Variants in CERT1 observed in about 807,000 individuals in gnomAD.
The protein encoded by CERT1 is ceramide transporter 1, also known as ceramide transfer protein.
Under a neutral mutation model 87.9 loss-of-function variants are expected in CERT1, and 31 were observed. The ratio of observed to expected loss-of-function variants is 0.35; its 90% CI spans 0.27 to 0.48. CERT1 has a LOEUF of 0.48. Among genes scored for constraint, CERT1 ranks in the 20% least tolerant of loss-of-function variants. The pLI is 0.99. For missense variants in CERT1, 487 were observed against 758.0 expected (o/e 0.64, Z 4.20); for synonymous variants, 289 against 250.9 (o/e 1.15, Z -1.44).
chr5:75,483,101 T>G (rs951276267), intron 2 of CERT1, among the ~76,000 whole-genome samples: 5 of 152,190 alleles, frequency 3.3e-5, no homozygotes, highest in African/African-American at 1.2e-4. Flanking sequence ...GATACGGTAT[T>G]CAAAATAGCT....
intron 4 of CERT1, among the ~76,000 whole-genome samples, chr5:75,425,819 C>G (rs1301201739): frequency 6.6e-6 from 1 of 152,122 alleles, no homozygotes; most frequent in Non-Finnish European, 1.5e-5. Context: ...TCAAATTAAA[C>G]AAAATTGTGT....
intron 3 of CERT1, among the ~76,000 whole-genome samples, chr5:75,456,708 G>C (rs578161854): frequency 6.7e-6 from 1 of 148,454 alleles, no homozygotes; most frequent in African/African-American, 2.5e-5. Flanking sequence ...CTTGTACAAT[G>C]CATCACAACC....
chr5:75,447,682 G>A (rs1580784495), intron 3 of CERT1, among the ~76,000 whole-genome samples: 1 of 151,592 alleles, frequency 6.6e-6, no homozygotes. Flanking sequence ...CACCATGTTC[G>A]CCAGGATGGT....
At chr5:75,478,608 A>G (rs1317011036) in intron 2 of CERT1, among the ~76,000 whole-genome samples, 2 of 152,166 alleles carry the variant, frequency 1.3e-5, no homozygotes, top group Non-Finnish European at 2.9e-5. Context: ...CTTAGACACC[A>G]TCCCTAAAAA....
At chr5:75,382,165 G>T (rs1761615154) in intron 14 of CERT1, 88 bp from the exon 15 acceptor site, 6 of 1,257,440 alleles carry the variant, frequency 4.8e-6, no homozygotes, top group Non-Finnish European at 6.6e-6. Context: ...TTAATTGAAG[G>T]TAAAATCTCT....
chr5:75,438,050 A>G (rs1358999493), intron 3 of CERT1, among the ~76,000 whole-genome samples: 6 of 152,180 alleles, frequency 3.9e-5, no homozygotes, highest in Non-Finnish European at 5.9e-5. Context: ...AATTTATTAC[A>G]CAAAATAGAG....
intron 3 of CERT1, among the ~76,000 whole-genome samples, chr5:75,444,011 T>C (rs1182121940): frequency 6.6e-6 from 1 of 152,228 alleles, no homozygotes; most frequent in Non-Finnish European, 1.5e-5. Flanking sequence ...ATTCTTTCAC[T>C]TTCAATCTGT....
At chr5:75,485,312 C>CAAAAAAAAAAAAAAAAAAAAAAAAAA (rs757349878) in intron 2 of CERT1, among the ~76,000 whole-genome samples, 53 of 46,442 alleles carry the variant, frequency 1.1e-3, no homozygotes, top group African/African-American at 2.4e-3. Flanking sequence ...CACAAAAATA[C>CAAAAAAAAAAAAAAAAAAAAAAAAAA]AAAAAAAAAA....
At chr5:75,503,918 A>AAACATTTAAATT (rs1767529607) in intron 2 of CERT1, among the ~76,000 whole-genome samples, 3 of 1,896 alleles carry the variant, frequency 1.6e-3, no homozygotes, top group Admixed American at 6.0e-3. Context: ...TTAATTTAAA[A>AAACATTTAAATT]TTTTCTTTTC....
At chr5:75,421,684 C>T (rs1763383258) in intron 5 of CERT1, among the ~76,000 whole-genome samples, 2 of 152,168 alleles carry the variant, frequency 1.3e-5, no homozygotes, top group South Asian at 4.1e-4. Context: ...ACGACTATTC[C>T]TAAATTAGTC....
At chr5:75,392,598 C>T (rs1435912792) in intron 11 of CERT1, among the ~76,000 whole-genome samples, 1 of 152,162 alleles carries the variant, frequency 6.6e-6, no homozygotes, top group Non-Finnish European at 1.5e-5. Flanking sequence ...AACTTGGGCA[C>T]TGGTGACCAG....
chr5:75,511,334 G>A lies in CERT1; in HGVS notation c.-127C>T, dbSNP rs1163485668. 1.3e-5 allele frequency: 20 copies of A among 1,545,906 alleles called. No homozygotes were observed. The highest frequency in any genetic ancestry group is 2.0e-5 in the Admixed American group (1 of 50,888). ...AGAGTGCCCGCTCCGGTGTGGGGGG[G>A]AGCAGGAGGAGGGACGAAGTCCGCC... is the stretch of plus-strand genomic sequence containing the variant. On this transcript the variant is annotated 5_prime_UTR_variant, in exon 1 of 17. Coordinates refer to ENST00000643780, the MANE Select transcript of CERT1 (RefSeq NM_001379029.1).
intron 8 of CERT1, among the ~76,000 whole-genome samples, chr5:75,405,616 C>T (rs2112103726): frequency 6.6e-6 from 1 of 152,264 alleles, no homozygotes; most frequent in Middle Eastern, 3.4e-3. Context: ...TCACACCCTT[C>T]AATTCTACTT....
At chr5:75,412,284 T>C (rs1762962887) in intron 7 of CERT1, among the ~76,000 whole-genome samples, 1 of 152,190 alleles carries the variant, frequency 6.6e-6, no homozygotes, top group South Asian at 2.1e-4. Context: ...CGAAAGGGAA[T>C]GTTAGTAATA....
In CERT1 at chr5:75,393,414, T is replaced by G. The variant is rs141992560; in HGVS notation, c.1189-3727A>C. On this transcript the variant is annotated intron_variant, in intron 11 of 16. Coordinates refer to ENST00000643780, the MANE Select transcript of CERT1 (RefSeq NM_001379029.1). ...CACTCAGTATGATGCCATTTCTGGA[T>G]GTTACCAAGTAGGATTTTTCTAACA... Among the ~76,000 whole-genome samples, 316 of 151,738 alleles carry G rather than the reference T, an allele frequency of 2.1e-3. 1 individual carries two copies. The East Asian group carries it at 0.027, about 13-fold the overall frequency.
rs1397537524 is a variant in CERT1 at position 75,382,095 on chromosome 5, T to A, written c.1489-18A>T. ...CACACCCTCTGTGGAGAAGTAAAAA[T>A]CTTTTGAAAAACAGATCTAACATGG... On this transcript the variant is annotated intron_variant, in intron 14 of 16. Transcript: ENST00000643780. 1 of 1,604,688 alleles carries A rather than the reference T, an allele frequency of 6.2e-7. No homozygotes were observed. Among genetic ancestry groups the A allele is most frequent in the African/African-American group, 1.3e-5 (1 of 74,338 alleles).
At chr5:75,400,089 G>A (rs549973306) in intron 10 of CERT1, 116 bp downstream of exon 10, 7 of 720,376 alleles carry the variant, frequency 9.7e-6, no homozygotes, top group African/African-American at 3.6e-5. Flanking sequence ...CCGAGATCGC[G>A]CCACTGCACT....
intron 2 of CERT1, among the ~76,000 whole-genome samples, chr5:75,472,740 T>C (rs1422119293): frequency 6.6e-6 from 1 of 152,128 alleles, no homozygotes; most frequent in East Asian, 1.9e-4. Flanking sequence ...GAAATGGCTA[T>C]TAGCAAAAAG....
At chr5:75,485,688 A>T (rs2112408306) in intron 2 of CERT1, among the ~76,000 whole-genome samples, 4 of 152,256 alleles carry the variant, frequency 2.6e-5, no homozygotes, top group Admixed American at 2.6e-4. Flanking sequence ...ATTATAACTG[A>T]TACTGCAGAA....
Sources: allele counts gnomAD v4.1 joint callset (sites outside exome capture counted in the v4.1 genomes callset), GRCh38; gene constraint gnomAD v4.1.1; transcripts MANE v1.5; gene names NCBI Gene and HGNC (gene_info 2026-07-23, HGNC 2026-07-21).